Variants in COMMD10 observed in about 807,000 individuals in gnomAD.
COMMD10 encodes the protein COMM domain-containing protein 10.
Under a neutral mutation model 28.9 loss-of-function variants are expected in COMMD10, and 33 were observed. That is an observed-to-expected ratio of 1.14 (90% CI 0.87 to 1.53). The LOEUF (loss-of-function observed/expected upper bound fraction) is 1.53, where lower values mean the gene tolerates loss of function less well. Ranked by LOEUF, COMMD10 falls within the 40% of genes most tolerant of loss-of-function variation. COMMD10 has a pLI of 0.00. For synonymous variants in COMMD10, 110 were observed against 81.7 expected, an observed-to-expected ratio of 1.35 and a Z score of -1.87; for missense variants, 310 against 233.4, an observed-to-expected ratio of 1.33 and a Z score of -2.14.
At chr5:116,259,384 T>G (rs1186128475) in intron 5 of COMMD10, among the ~76,000 whole-genome samples, 16 of 151,836 alleles carry the variant, frequency 1.1e-4, no homozygotes, top group Admixed American at 1.1e-3. Flanking sequence ...ATAATTGTTT[T>G]TTTTTGTCTG....
chr5:116,105,640 C>T (rs1750812146), intron 4 of COMMD10, among the ~76,000 whole-genome samples: 1 of 152,048 alleles, frequency 6.6e-6, no homozygotes, highest in Non-Finnish European at 1.5e-5. Context: ...TTCAGAACTT[C>T]TTATTGCTGT....
At chr5:116,274,652 C>G (rs534351104) in intron 5 of COMMD10, among the ~76,000 whole-genome samples, 5 of 151,826 alleles carry the variant, frequency 3.3e-5, no homozygotes, top group Non-Finnish European at 7.4e-5. Context: ...AAAATGAACA[C>G]TTACCAGTCC....
chr5:116,251,517 C>G (rs555990448), intron 5 of COMMD10, among the ~76,000 whole-genome samples: 2 of 147,990 alleles, frequency 1.4e-5, no homozygotes, highest in East Asian at 4.1e-4. Flanking sequence ...TGTTCAATTC[C>G]CACCTATGAG....
intron 5 of COMMD10, among the ~76,000 whole-genome samples, chr5:116,240,864 C>G (rs1384004817): frequency 2.0e-5 from 3 of 152,166 alleles, no homozygotes; most frequent in Non-Finnish European, 4.4e-5. Context: ...CAATGGTGAA[C>G]TATTTATAAA....
intron 5 of COMMD10, among the ~76,000 whole-genome samples, chr5:116,248,273 A>G (rs1216697842): frequency 6.6e-6 from 1 of 152,004 alleles, no homozygotes; most frequent in Admixed American, 6.6e-5. Flanking sequence ...AATTGACTTA[A>G]GTGTAGCTTT....
intron 5 of COMMD10, among the ~76,000 whole-genome samples, chr5:116,266,665 A>T (rs1400637677): frequency 1.3e-5 from 2 of 151,830 alleles, no homozygotes; most frequent in African/African-American, 2.4e-5. Context: ...TTAGCCCATT[A>T]TCCCTGATGA....
chr5:116,158,673 AT>A (rs1275586120), intron 5 of COMMD10, among the ~76,000 whole-genome samples: 2 of 151,966 alleles, frequency 1.3e-5, no homozygotes, highest in East Asian at 3.9e-4. Flanking sequence ...ATTTTAAATT[AT>A]GTTTTCTTAA....
chr5:116,217,102 A>G (rs1749122999), intron 5 of COMMD10, among the ~76,000 whole-genome samples: 1 of 152,020 alleles, frequency 6.6e-6, no homozygotes, highest in African/African-American at 2.4e-5. Flanking sequence ...TCTAAAAGTA[A>G]TAAATGACCT....
intron 5 of COMMD10, among the ~76,000 whole-genome samples, chr5:116,136,723 T>C (rs1416456981): frequency 6.6e-6 from 1 of 152,166 alleles, no homozygotes; most frequent in Non-Finnish European, 1.5e-5. Flanking sequence ...TTGAGTACAT[T>C]TATGTTTTTC....
intron 5 of COMMD10, among the ~76,000 whole-genome samples, chr5:116,135,111 GA>G (rs1002424995): frequency 6.6e-6 from 1 of 152,120 alleles, no homozygotes; most frequent in Non-Finnish European, 1.5e-5. Context: ...TTTTAAGGTA[GA>G]AAAGGGGGAG....
At chr5:116,159,512 T>A (rs913509314) in intron 5 of COMMD10, among the ~76,000 whole-genome samples, 3 of 152,182 alleles carry the variant, frequency 2.0e-5, no homozygotes, top group African/African-American at 7.2e-5. Context: ...CTGAGCTAGG[T>A]GCTGAGCAGA....
intron 5 of COMMD10, among the ~76,000 whole-genome samples, chr5:116,146,463 T>C (rs1480870639): frequency 6.6e-6 from 1 of 151,892 alleles, no homozygotes; most frequent in African/African-American, 2.4e-5. Context: ...TCTGGTATTC[T>C]TATTTTGAGG....
intron 5 of COMMD10, among the ~76,000 whole-genome samples, chr5:116,173,635 A>G (rs990290485): frequency 1.3e-5 from 2 of 152,142 alleles, no homozygotes; most frequent in Admixed American, 6.6e-5. Context: ...TTCAGCTATG[A>G]TCTGAAGTCA....
chr5:116,159,716 A>G (rs549227646), intron 5 of COMMD10, among the ~76,000 whole-genome samples: 1 of 152,188 alleles, frequency 6.6e-6, no homozygotes, highest in Non-Finnish European at 1.5e-5. Flanking sequence ...CATGGGGTTG[A>G]TATTGTCTAG....
chr5:116,265,215 T>G (rs1750553897), intron 5 of COMMD10, among the ~76,000 whole-genome samples: 1 of 151,764 alleles, frequency 6.6e-6, no homozygotes, highest in Non-Finnish European at 1.5e-5. Context: ...CTCCACATGC[T>G]CTTTCTGCTA....
At chr5:116,232,171 A>T (rs970792454) in intron 5 of COMMD10, among the ~76,000 whole-genome samples, 1 of 152,286 alleles carries the variant, frequency 6.6e-6, no homozygotes, top group South Asian at 2.1e-4. Context: ...CAGAAGTCCA[A>T]GTTACATTTG....
chr5:116,127,738 G>T (rs938459380), intron 4 of COMMD10, among the ~76,000 whole-genome samples: 1 of 152,074 alleles, frequency 6.6e-6, no homozygotes. Flanking sequence ...AGAACACTTG[G>T]ACACAGGGTG....
At chr5:116,179,232 AT>A (rs1747862355) in intron 5 of COMMD10, among the ~76,000 whole-genome samples, 1 of 152,182 alleles carries the variant, frequency 6.6e-6, no homozygotes, top group African/African-American at 2.4e-5. Flanking sequence ...CGATTAAGTG[AT>A]AAAGTATTAA....
At chr5:116,129,007 C>G (rs1580470602) in intron 4 of COMMD10, among the ~76,000 whole-genome samples, 1 of 151,888 alleles carries the variant, frequency 6.6e-6, no homozygotes. Context: ...TATCACTACT[C>G]TTTTCTTTTA....
Sources: gnomAD v4.1 joint callset for allele counts (sites outside exome capture counted in the v4.1 genomes callset) on GRCh38, gnomAD v4.1.1 for gene constraint, MANE v1.5 for transcripts, NCBI Gene and HGNC (gene_info 2026-07-23, HGNC 2026-07-21) for gene names.